Variants in LUZP2 observed in about 807,000 individuals in gnomAD.
LUZP2 encodes the protein leucine zipper protein 2.
A neutral mutation model predicts 51.6 loss-of-function variants in LUZP2; 52 were observed. The observed-to-expected ratio is 1.01, with a 90% CI of 0.81 to 1.27. The LOEUF (loss-of-function observed/expected upper bound fraction) is 1.27. Among genes scored for constraint, LUZP2 ranks in the 50% most tolerant of loss-of-function variants. The pLI, the probability that LUZP2 is intolerant of heterozygous loss-of-function variation, is 0.00. For missense variants in LUZP2, 436 were observed against 395.4 expected (o/e 1.10, Z -0.87); for synonymous variants, 154 against 137.3 (o/e 1.12, Z -0.85).
chr11:24,683,073 A>T (rs1856798820), intron 1 of LUZP2, among the ~76,000 whole-genome samples: 1 of 152,220 alleles, frequency 6.6e-6, no homozygotes, highest in African/African-American at 2.4e-5. Context: ...ACTACTCAGG[A>T]GATGGCAGAT....
chr11:24,570,602 G>A (rs374346036), intron 1 of LUZP2, among the ~76,000 whole-genome samples: 5 of 152,096 alleles, frequency 3.3e-5, no homozygotes, highest in Admixed American at 1.3e-4. Context: ...AGCAGAATTA[G>A]TCATCTTCAG....
At chr11:24,814,403 G>C (rs1348059225) in intron 5 of LUZP2, among the ~76,000 whole-genome samples, 5 of 152,154 alleles carry the variant, frequency 3.3e-5, no homozygotes, top group Admixed American at 1.3e-4. Context: ...TAAAAGAGAA[G>C]TCTTCATCTT....
At chr11:25,048,286 C>T (rs1858383648) in intron 9 of LUZP2, among the ~76,000 whole-genome samples, 1 of 152,136 alleles carries the variant, frequency 6.6e-6, no homozygotes, top group African/African-American at 2.4e-5. Context: ...ACCTGGATGG[C>T]CTCCCTCATT....
rs1859482606 is a variant in LUZP2, at chr11:25,082,567, A to G, written c.*3909A>G. 2 of 152,194 alleles carry G rather than the reference A, an allele frequency of 1.3e-5. No individual in the cohort carries two copies. The highest frequency in any genetic ancestry group is 4.1e-4 in the South Asian group (2 of 4,828). The allele number at this position is 152,194 out of a possible 1,614,324, so 9.4% of individuals were successfully genotyped here. On this transcript the variant is annotated 3_prime_UTR_variant, in exon 12 of 12. Transcript: ENST00000336930. ...TTCATTTGGATTGTGTTATATAATAACAGTCGAATGATGAAGAATAAAAGA... is the reference window on the plus strand; with the variant it reads ...TTCATTTGGATTGTGTTATATAATAGCAGTCGAATGATGAAGAATAAAAGA...
chr11:24,750,194 G>A (rs1859528117), intron 4 of LUZP2, among the ~76,000 whole-genome samples: 1 of 152,132 alleles, frequency 6.6e-6, no homozygotes, highest in Non-Finnish European at 1.5e-5. Context: ...CCAGATGAAT[G>A]CCCACTCTTT....
At chr11:24,643,688 G>T (rs926558950) in intron 1 of LUZP2, among the ~76,000 whole-genome samples, 15 of 152,270 alleles carry the variant, frequency 9.9e-5, no homozygotes, top group African/African-American at 3.6e-4. Context: ...TGTAAGGCTA[G>T]TAGGAGATGG....
At chr11:24,764,851 T>C (rs1860123274) in intron 5 of LUZP2, among the ~76,000 whole-genome samples, 1 of 152,096 alleles carries the variant, frequency 6.6e-6, no homozygotes, top group African/African-American at 2.4e-5. Context: ...AACGCAAAAC[T>C]ATGAATTATT....
At chr11:25,039,440 C>A (rs922570756) in intron 9 of LUZP2, among the ~76,000 whole-genome samples, 4 of 152,092 alleles carry the variant, frequency 2.6e-5, no homozygotes, top group Admixed American at 2.6e-4. Flanking sequence ...CTGATGGGCC[C>A]CAGTCCTGCA....
chr11:24,526,248 C>T (rs1850797700), intron 1 of LUZP2, among the ~76,000 whole-genome samples: 1 of 126,674 alleles, frequency 7.9e-6, no homozygotes, highest in Non-Finnish European at 1.7e-5. Flanking sequence ...ATTTATATAA[C>T]TCATGACACT....
intron 1 of LUZP2, among the ~76,000 whole-genome samples, chr11:24,514,011 A>G (rs1247011693): frequency 6.6e-6 from 1 of 152,218 alleles, no homozygotes; most frequent in Middle Eastern, 3.2e-3. Context: ...GCTATGTTCT[A>G]TAATAAGAAG....
chr11:24,800,644 C>T, intron 5 of LUZP2, among the ~76,000 whole-genome samples: 1 of 151,926 alleles, frequency 6.6e-6, no homozygotes, highest in East Asian at 1.9e-4. Flanking sequence ...CCTCATGCAT[C>T]TCTAATTTGT....
At chr11:24,906,100 A>T in intron 6 of LUZP2, 47 bp downstream of exon 6, 1 of 1,416,510 alleles carries the variant, frequency 7.1e-7, no homozygotes, top group South Asian at 1.2e-5. Flanking sequence ...TAAAAACAGT[A>T]TTATTGTCAG....
chr11:24,862,959 T>C (rs915744643), intron 5 of LUZP2, among the ~76,000 whole-genome samples: 3 of 152,194 alleles, frequency 2.0e-5, no homozygotes, highest in African/African-American at 7.2e-5. Flanking sequence ...AAGGTGCTAA[T>C]GTAATTTTCA....
At chr11:24,517,346 C>T (rs574794458) in intron 1 of LUZP2, among the ~76,000 whole-genome samples, 4 of 151,358 alleles carry the variant, frequency 2.6e-5, no homozygotes, top group Admixed American at 2.6e-4. Flanking sequence ...ATTAGCTGGG[C>T]GTGGTGGCGG....
chr11:24,635,045 G>A (rs1855034628), intron 1 of LUZP2, among the ~76,000 whole-genome samples: 2 of 152,126 alleles, frequency 1.3e-5, no homozygotes, highest in African/African-American at 2.4e-5. Flanking sequence ...GGAAGCGTGG[G>A]ATGGGGGTGA....
intron 1 of LUZP2, among the ~76,000 whole-genome samples, chr11:24,602,144 A>G (rs1451354097): frequency 1.7e-5 from 2 of 118,112 alleles, no homozygotes; most frequent in South Asian, 2.3e-4. Context: ...GTATATATGT[A>G]TATATGTATA....
intron 5 of LUZP2, among the ~76,000 whole-genome samples, chr11:24,873,272 C>T (rs1852140923): frequency 6.6e-6 from 1 of 152,142 alleles, no homozygotes; most frequent in Non-Finnish European, 1.5e-5. Flanking sequence ...CAAAATCCTA[C>T]CTCTATCATG....
chr11:24,884,829 C>A (rs1299891957), intron 5 of LUZP2, among the ~76,000 whole-genome samples: 1 of 152,030 alleles, frequency 6.6e-6, no homozygotes, highest in Non-Finnish European at 1.5e-5. Flanking sequence ...TTGTGAACTC[C>A]TTGAAGAAAT....
At chr11:24,578,423 C>T (rs1365278208) in intron 1 of LUZP2, among the ~76,000 whole-genome samples, 3 of 151,850 alleles carry the variant, frequency 2.0e-5, no homozygotes, top group Non-Finnish European at 2.9e-5. Context: ...AAATCTTATC[C>T]ATAGTCATTA....
Sources: allele counts gnomAD v4.1 joint callset (sites outside exome capture counted in the v4.1 genomes callset), GRCh38; gene constraint gnomAD v4.1.1; transcripts MANE v1.5; gene names NCBI Gene and HGNC (gene_info 2026-07-23, HGNC 2026-07-21).